The following LRMDA variants were observed in gnomAD, a reference collection of about 807,000 sequenced individuals.
LRMDA encodes leucine-rich melanocyte differentiation-associated protein.
Under a neutral mutation model 29.8 loss-of-function variants are expected in LRMDA, and 18 were observed. The observed-to-expected ratio is 0.60, with a 90% CI of 0.42 to 0.90. The LOEUF (loss-of-function observed/expected upper bound fraction) is 0.90. Ranked by LOEUF, LRMDA falls within the 40% of genes least tolerant of loss-of-function variation. The pLI is 0.00. For synonymous variants in LRMDA, 125 were observed against 109.4 expected (o/e 1.14, Z -0.89); for missense variants, 273 against 273.9 (o/e 1.00, Z 0.02).
intron 2 of LRMDA, among the ~76,000 whole-genome samples, chr10:75,511,353 C>T (rs1845224003): frequency 6.6e-6 from 1 of 151,948 alleles, no homozygotes. Context: ...AACAAAAAAC[C>T]AAAGAGAATA....
intron 2 of LRMDA, among the ~76,000 whole-genome samples, chr10:75,538,476 GT>G (rs1477272871): frequency 6.6e-6 from 1 of 152,300 alleles, no homozygotes; most frequent in African/African-American, 2.4e-5. Flanking sequence ...AAGTGGCAGT[GT>G]TGTCTCTTAT....
intron 6 of LRMDA, among the ~76,000 whole-genome samples, chr10:76,363,581 T>C (rs963570294): frequency 6.6e-6 from 1 of 152,122 alleles, no homozygotes; most frequent in Non-Finnish European, 1.5e-5. Context: ...TAGTGTGGTA[T>C]GTAAAATTAG....
rs75671322 is a variant in LRMDA at position 76,284,271 on chromosome 10, A to G, written c.517-40130A>G. Reference sequence around the variant, plus strand: ...TCCAGGTGGGCCTGAGGTAAGCACAACGGTTCCGAAGAGGACTCAGGGAAG... The same window carrying G: ...TCCAGGTGGGCCTGAGGTAAGCACAGCGGTTCCGAAGAGGACTCAGGGAAG... On this transcript the variant is annotated intron_variant, in intron 5 of 6. Transcript: ENST00000611255. 3.8e-3 allele frequency among the ~76,000 whole-genome samples: 572 copies of G among 152,262 alleles called. 4 individuals carry two copies. Among genetic ancestry groups the G allele is most frequent in the African/African-American group, 0.013 (552 of 41,560 alleles).
At chr10:75,498,337 A>G (rs1423415395) in intron 2 of LRMDA, among the ~76,000 whole-genome samples, 1 of 152,210 alleles carries the variant, frequency 6.6e-6, no homozygotes. Flanking sequence ...GTGTCCATAT[A>G]GATACCCACA....
chr10:76,128,047 A>T (rs1849916954), intron 5 of LRMDA, among the ~76,000 whole-genome samples: 1 of 152,220 alleles, frequency 6.6e-6, no homozygotes, highest in Non-Finnish European at 1.5e-5. Context: ...TTGCCCATAA[A>T]ATCAAAGTCT....
At chr10:75,974,916 C>G (rs1218224198) in intron 2 of LRMDA, among the ~76,000 whole-genome samples, 1 of 152,168 alleles carries the variant, frequency 6.6e-6, no homozygotes, top group Non-Finnish European at 1.5e-5. Flanking sequence ...AATAATGATG[C>G]ACAATCCCCA....
chr10:76,232,154 C>T (rs1345227322), intron 5 of LRMDA, among the ~76,000 whole-genome samples: 1 of 152,074 alleles, frequency 6.6e-6, no homozygotes, highest in African/African-American at 2.4e-5. Flanking sequence ...TTTTAGGGAA[C>T]ACTGTTTCTT....
At chr10:75,919,244 C>T (rs926870261) in intron 2 of LRMDA, among the ~76,000 whole-genome samples, 2 of 152,196 alleles carry the variant, frequency 1.3e-5, no homozygotes, top group African/African-American at 4.8e-5. Context: ...TGATGCTAAT[C>T]ATGGGCAGCT....
At chr10:76,271,570 C>T (rs1051380552) in intron 5 of LRMDA, among the ~76,000 whole-genome samples, 2 of 152,196 alleles carry the variant, frequency 1.3e-5, no homozygotes, top group Non-Finnish European at 2.9e-5. Context: ...CTTTCAGCCT[C>T]ATCCATCTTG....
chr10:76,424,509 A>T (rs112900632), intron 6 of LRMDA, among the ~76,000 whole-genome samples: 17,238 of 152,202 alleles, frequency 0.11, 1,290 homozygotes, highest in African/African-American at 0.19. Flanking sequence ...ACTGCACTCC[A>T]GCCTGGGCCA....
Position 75,517,858 on chromosome 10 carries a change from A to G in LRMDA, c.131+79364A>G, listed in dbSNP as rs1325982064. Among the ~76,000 whole-genome samples, 7 of 152,250 alleles carry G rather than the reference A, an allele frequency of 4.6e-5. No homozygotes were observed. The East Asian group carries it at 1.3e-3, about 29-fold the overall frequency. ...GGGTTTGTCATGAAAAGCTCTTATT[A>G]TTTTGAGATACCTTCCATCAATACC... On this transcript the variant is annotated intron_variant, in intron 2 of 6. Transcript: ENST00000611255.
At chr10:75,831,641 C>T (rs944846883) in intron 2 of LRMDA, among the ~76,000 whole-genome samples, 1 of 152,168 alleles carries the variant, frequency 6.6e-6, no homozygotes, top group Non-Finnish European at 1.5e-5. Flanking sequence ...TGTGTGGAGG[C>T]TCCAATCCCA....
At chr10:75,884,185 A>G (rs1442826102) in intron 2 of LRMDA, among the ~76,000 whole-genome samples, 1 of 151,540 alleles carries the variant, frequency 6.6e-6, no homozygotes, top group African/African-American at 2.4e-5. Flanking sequence ...ATGTTTCACA[A>G]TAGAGTTCAA....
At chr10:76,227,529 T>C (rs2132267958) in intron 5 of LRMDA, among the ~76,000 whole-genome samples, 1 of 152,292 alleles carries the variant, frequency 6.6e-6, no homozygotes, top group South Asian at 2.1e-4. Flanking sequence ...AGGTTGTGGA[T>C]AGTAGTGAAT....
intron 1 of LRMDA, among the ~76,000 whole-genome samples, chr10:75,437,693 A>G (rs1844276901): frequency 6.6e-6 from 1 of 152,234 alleles, no homozygotes; most frequent in Non-Finnish European, 1.5e-5. Flanking sequence ...GGTACTTAAT[A>G]ATAAATAATC....
intron 6 of LRMDA, among the ~76,000 whole-genome samples, chr10:76,409,705 T>C (rs1466953456): frequency 6.6e-6 from 1 of 152,220 alleles, no homozygotes; most frequent in Non-Finnish European, 1.5e-5. Flanking sequence ...TGCATGCTAG[T>C]CTTTTTAAAT....
At chr10:76,028,687 G>C (rs1310998009) in intron 2 of LRMDA, among the ~76,000 whole-genome samples, 1 of 152,072 alleles carries the variant, frequency 6.6e-6, no homozygotes, top group Non-Finnish European at 1.5e-5. Flanking sequence ...AGAGCAATTT[G>C]AGCCATTAAT....
intron 2 of LRMDA, among the ~76,000 whole-genome samples, chr10:75,650,318 A>G (rs781746706): frequency 1.2e-4 from 18 of 152,194 alleles, no homozygotes; most frequent in Non-Finnish European, 2.5e-4. Context: ...GTAAGGGTCC[A>G]ACTCACTTTT....
chr10:75,536,801 C>A (rs1839955898), intron 2 of LRMDA, among the ~76,000 whole-genome samples: 1 of 151,994 alleles, frequency 6.6e-6, no homozygotes, highest in South Asian at 2.1e-4. Context: ...CTCAAGTGAT[C>A]CTCTTGTCTC....
Sources: gnomAD v4.1 joint callset for allele counts (sites outside exome capture counted in the v4.1 genomes callset) on GRCh38, gnomAD v4.1.1 for gene constraint, MANE v1.5 for transcripts, NCBI Gene and HGNC (gene_info 2026-07-23, HGNC 2026-07-21) for gene names.